Variants in CACNA1H observed in about 807,000 individuals in gnomAD.
CACNA1H encodes the protein calcium voltage-gated channel subunit alpha1 H.
A neutral mutation model predicts 192.5 loss-of-function variants in CACNA1H; 149 were observed. The ratio of observed to expected loss-of-function variants is 0.77; its 90% CI spans 0.68 to 0.89. CACNA1H has a LOEUF of 0.89. Ranked by LOEUF, CACNA1H falls within the 40% of genes least tolerant of loss-of-function variation. The pLI is 0.00. For missense variants in CACNA1H, 4,257 were observed against 3,423.5 expected (o/e 1.24, Z -6.08); for synonymous variants, 2,202 against 1,475.2 (o/e 1.49, Z -11.29).
In CACNA1H at chr16:1,205,101, C is replaced by A. The variant is rs774710747; in HGVS notation, c.2452-13C>A. ...GGTGCGGCCTCCTGAACTGTCCCCACCTCTGCCTGCAGCCCGAGGAGCTGA... is the reference window on the plus strand; with the variant it reads ...GGTGCGGCCTCCTGAACTGTCCCCAACTCTGCCTGCAGCCCGAGGAGCTGA... On this transcript the variant is annotated splice_polypyrimidine_tract_variant and intron_variant, in intron 10 of 34. Transcript: ENST00000348261. 2.5e-6 allele frequency: 4 copies of A among 1,608,088 alleles called. 1 individual carries two copies. Among genetic ancestry groups the A allele is most frequent in the African/African-American group, 1.3e-5 (1 of 74,968 alleles).
chr16:1,193,288 C>T (rs933580375), intron 2 of CACNA1H, among the ~76,000 whole-genome samples: 7 of 152,214 alleles, frequency 4.6e-5, no homozygotes, highest in East Asian at 1.9e-4. Context: ...CAAAGGTGCC[C>T]GAGGCTGGGG....
At chr16:1,218,129 G>A in intron 32 of CACNA1H, 81 bp from the exon 33 acceptor site, 2 of 1,537,188 alleles carry the variant, frequency 1.3e-6, no homozygotes, top group South Asian at 1.2e-5. Context: ...TCCTTGCAGG[G>A]CAGGGGGAAG....
intron 2 of CACNA1H, among the ~76,000 whole-genome samples, chr16:1,185,433 C>T (rs1045603928): frequency 1.3e-5 from 2 of 151,572 alleles, no homozygotes; most frequent in South Asian, 2.1e-4. Context: ...CAGCTGGACT[C>T]CTGGACGGTG....
intron 2 of CACNA1H, among the ~76,000 whole-genome samples, chr16:1,187,814 C>T (rs1419869736): frequency 6.6e-6 from 1 of 152,188 alleles, no homozygotes; most frequent in Non-Finnish European, 1.5e-5. Context: ...CTGAGGCTGG[C>T]CTGTGGCTTT....
At chr16:1,185,506 C>CCA (rs1555506220) in intron 2 of CACNA1H, among the ~76,000 whole-genome samples, 2 of 146,430 alleles carry the variant, frequency 1.4e-5, no homozygotes, top group African/African-American at 5.0e-5. Flanking sequence ...CAGAGTCCCC[C>CCA]CCCCCGCCGA....
At chr16:1,154,557 GC>G (rs1451578421) in intron 2 of CACNA1H, among the ~76,000 whole-genome samples, 1 of 152,106 alleles carries the variant, frequency 6.6e-6, no homozygotes, top group Non-Finnish European at 1.5e-5. Flanking sequence ...CGCCGCCAGG[GC>G]CTTTTCCGTG....
Position 1,220,779 on chromosome 16 carries a change from G to T in CACNA1H, c.6847G>T (p.Asp2283Tyr). The T allele has an allele frequency of 6.2e-7, 1 of 1,612,648 alleles. No individual in the cohort carries two copies. The highest frequency in any genetic ancestry group is 1.3e-5 in the African/African-American group (1 of 75,024). ...GGTCCCCAGTGGAGACCCTTTCTTG[G>T]ACGGTAGCCACAGTGTGACCCCAGA... is the stretch of plus-strand genomic sequence containing the variant. The part of the protein sequence containing the change: ...LGVPSGDPFL[D>Y]GSHSVTPESR... Residue 2283 changes from aspartate (D) to tyrosine (Y), a missense_variant, in exon 35 of 35, where the codon GAC becomes TAC. By Grantham distance (160) the Asp-to-Tyr change is radical (BLOSUM62 -3). Coordinates refer to ENST00000348261, the MANE Select transcript of CACNA1H (RefSeq NM_021098.3).
Position 1,167,975 on chromosome 16 carries a change from G to A in CACNA1H, c.299+13939G>A, listed in dbSNP as rs1380720197. 2.0e-5 allele frequency among the ~76,000 whole-genome samples: 3 copies of A among 152,196 alleles called. No individual in the cohort carries two copies. Among genetic ancestry groups the A allele is most frequent in the Non-Finnish European group, 4.4e-5 (3 of 68,034 alleles). ...TCCCCGGGGCTGCCTGGAGGCGGCCGCTTGTCCCCAAGGCCTGGTGACCGC... is the reference window on the plus strand; with the variant it reads ...TCCCCGGGGCTGCCTGGAGGCGGCCACTTGTCCCCAAGGCCTGGTGACCGC... On this transcript the variant is annotated intron_variant, in intron 2 of 34. Coordinates refer to ENST00000348261, the MANE Select transcript of CACNA1H (RefSeq NM_021098.3). The surrounding 1 kb of genome is among the most constrained non-coding windows in gnomAD (Gnocchi z 4.2).
At chr16:1,207,563 G>A in intron 14 of CACNA1H, 133 bp downstream of exon 14, 1 of 1,133,620 alleles carries the variant, frequency 8.8e-7, no homozygotes, top group Admixed American at 2.2e-5. Flanking sequence ...GCCATGAGGA[G>A]AGGGGAGGCC....
chr16:1,165,955 C>A (rs1784472076), intron 2 of CACNA1H, among the ~76,000 whole-genome samples: 1 of 152,260 alleles, frequency 6.6e-6, no homozygotes, highest in East Asian at 1.9e-4. Flanking sequence ...GCACACCGGC[C>A]CGTGCATCTT....
rs376985396 is a variant in CACNA1H at position 1,200,548 on chromosome 16, T to C, written c.1096T>C (p.Tyr366His). 27 of 1,612,050 alleles carry C rather than the reference T, an allele frequency of 1.7e-5. No individual in the cohort carries two copies. The highest frequency in any genetic ancestry group is 2.3e-5 in the Non-Finnish European group (27 of 1,179,708). ...NGAINFDNIG[Y>H]AWIAIFQVIT... is the part of the protein sequence containing the mutation. ...TGCCATCAACTTCGACAACATCGGC[T>C]ACGCCTGGATTGCCATCTTCCAGGT... Residue 366 changes from tyrosine (Y) to histidine (H), a missense_variant, in exon 7 of 35, where the codon TAC becomes CAC. Transcript: ENST00000348261.
rs1047674521 is a variant in CACNA1H, at chr16:1,217,905, C to T, written c.5324-14C>T. The T allele has an allele frequency of 6.9e-6, 11 of 1,590,890 alleles. No homozygotes were observed. The highest frequency in any genetic ancestry group is 2.3e-5 in the East Asian group (1 of 43,456). On this transcript the variant is annotated splice_polypyrimidine_tract_variant and intron_variant, in intron 31 of 34. Transcript: ENST00000348261. ...GCGGGCTCGGCTGACCGGGCGGGGT[C>T]TCCCTCCCCGCAGAGTGCAGTGAAG...
intron 2 of CACNA1H, among the ~76,000 whole-genome samples, chr16:1,166,292 C>A (rs897503186): frequency 2.6e-5 from 4 of 152,200 alleles, no homozygotes; most frequent in African/African-American, 4.8e-5. Flanking sequence ...GAGCGGGAGA[C>A]AGGAGCTCCC....
chr16:1,166,907 C>T (rs930055107), intron 2 of CACNA1H, among the ~76,000 whole-genome samples: 1 of 151,724 alleles, frequency 6.6e-6, no homozygotes, highest in Non-Finnish European at 1.5e-5. Flanking sequence ...TCGGGGGAAA[C>T]CCTGGCTTCG....
chr16:1,210,349 C>CAAA, intron 18 of CACNA1H, 21 bp from the exon 19 acceptor site: 12 of 501,580 alleles, frequency 2.4e-5, no homozygotes, highest in East Asian at 5.3e-5. Flanking sequence ...CCCCACCTCT[C>CAAA]ACCCGCCCCC....
chr16:1,161,873 G>A (rs1043976870), intron 2 of CACNA1H, among the ~76,000 whole-genome samples: 6 of 147,078 alleles, frequency 4.1e-5, no homozygotes, highest in East Asian at 3.9e-4. Context: ...GGGTGGGTCC[G>A]TGGGGTGGGC....
intron 2 of CACNA1H, among the ~76,000 whole-genome samples, chr16:1,174,753 G>C (rs968856909): frequency 6.6e-6 from 1 of 152,208 alleles, no homozygotes; most frequent in Admixed American, 6.5e-5. Flanking sequence ...CAAGAATTCC[G>C]ATCTGACTTA....
chr16:1,212,871 C>T (rs1969626406), intron 26 of CACNA1H, among the ~76,000 whole-genome samples: 1 of 152,224 alleles, frequency 6.6e-6, no homozygotes, highest in Non-Finnish European at 1.5e-5. Flanking sequence ...GCTGCCCGGG[C>T]TGCGCTGAGT....
At chr16:1,171,842 G>A (rs1406331198) in intron 2 of CACNA1H, among the ~76,000 whole-genome samples, 2 of 152,256 alleles carry the variant, frequency 1.3e-5, no homozygotes, top group Non-Finnish European at 2.9e-5. Context: ...TGGGTCTGAG[G>A]CGTCTGTTCT....
Sources: gnomAD v4.1 joint callset for allele counts (sites outside exome capture counted in the v4.1 genomes callset) on GRCh38, gnomAD v4.1.1 for gene constraint, Gnocchi (gnomAD v3.1) non-coding constraint, MANE v1.5 for transcripts, NCBI Gene and HGNC (gene_info 2026-07-23, HGNC 2026-07-21) for gene names.